The following TENM3 variants were observed in gnomAD, a reference collection of about 807,000 sequenced individuals.
TENM3 encodes teneurin transmembrane protein 3, also known as teneurin-3.
TENM3 carries 63 observed loss-of-function variants against 255.1 expected under a neutral mutation model. That is an observed-to-expected ratio of 0.25 (90% CI 0.20 to 0.30). The LOEUF (loss-of-function observed/expected upper bound fraction) is 0.30, where lower values mean the gene tolerates loss of function less well. Ranked by LOEUF, TENM3 falls within the 10% of genes least tolerant of loss-of-function variation. TENM3 has a pLI of 1.00. For synonymous variants in TENM3, 1,306 were observed against 1,322.3 expected (o/e 0.99, Z 0.27); for missense variants, 2,929 against 3,461.1 (o/e 0.85, Z 3.86).
chr4:182,762,443 T>TTGATGA (rs34951450), intron 22 of TENM3, among the ~76,000 whole-genome samples: 1 of 151,736 alleles, frequency 6.6e-6, no homozygotes, highest in Non-Finnish European at 1.5e-5. Context: ...TTTAAAACGA[T>TTGATGA]TGATAATAAA....
chr4:182,088,695 G>A, the TENM3 span, among the ~76,000 whole-genome samples: 7 of 152,112 alleles, frequency 4.6e-5, no homozygotes, highest in Admixed American at 1.3e-4. Context: ...TTCACTGGGC[G>A]TGGTGGCAAG....
chr4:182,071,229 C>T, the TENM3 span, among the ~76,000 whole-genome samples: 8 of 152,260 alleles, frequency 5.3e-5, no homozygotes, highest in East Asian at 1.4e-3. Flanking sequence ...CACATTGCTT[C>T]GTAAACTCAC....
In TENM3 at chr4:182,562,654, C is replaced by G. The variant is rs76567864; in HGVS notation, c.512-38270C>G. Among the ~76,000 whole-genome samples, 1,011 of 152,208 alleles carry G rather than the reference C, an allele frequency of 6.6e-3. 37 individuals are homozygous for G. In the East Asian group the frequency reaches 0.081, roughly 12 times the overall value. On this transcript the variant is annotated intron_variant, in intron 3 of 27. Coordinates refer to ENST00000511685, the MANE Select transcript of TENM3 (RefSeq NM_001080477.4). The stretch of plus-strand genomic sequence containing the variant: ...CTGACTGAACACCCTGCACAGCCAC[C>G]TTTACTCCTATCCTATGCTACTTTA...
At chr4:182,176,906 C>T (rs1271281090) in intron 1 of TENM3, among the ~76,000 whole-genome samples, 1 of 148,758 alleles carries the variant, frequency 6.7e-6, no homozygotes, top group Non-Finnish European at 1.5e-5. Flanking sequence ...AATTCCTGAC[C>T]TCAGGTGATC....
At chr4:182,313,882 C>T (rs1457050478) in intron 1 of TENM3, among the ~76,000 whole-genome samples, 3 of 152,224 alleles carry the variant, frequency 2.0e-5, no homozygotes, top group East Asian at 1.9e-4. Flanking sequence ...ATCCATTTTT[C>T]TAAATCTCCA....
chr4:181,810,427 A>G, the TENM3 span, among the ~76,000 whole-genome samples: 4 of 152,094 alleles, frequency 2.6e-5, no homozygotes, highest in Admixed American at 1.3e-4. Flanking sequence ...CTCTGTTTTA[A>G]AAAATCTAAA....
the TENM3 span, among the ~76,000 whole-genome samples, chr4:181,698,602 G>C: frequency 6.6e-6 from 1 of 152,212 alleles, no homozygotes; most frequent in African/African-American, 2.4e-5. Flanking sequence ...AGGTGGTATG[G>C]AATACAAAGA....
the TENM3 span, among the ~76,000 whole-genome samples, chr4:181,548,791 A>AT: frequency 2.0e-5 from 3 of 152,186 alleles, no homozygotes; most frequent in African/African-American, 4.8e-5. Flanking sequence ...AGCAAGTATG[A>AT]TTTTATTGTC....
At chr4:182,273,746 G>A (rs1453456121) in intron 1 of TENM3, among the ~76,000 whole-genome samples, 1 of 152,164 alleles carries the variant, frequency 6.6e-6, no homozygotes, top group Non-Finnish European at 1.5e-5. Flanking sequence ...TTCAACACAA[G>A]GCAATTTCCA....
intron 5 of TENM3, among the ~76,000 whole-genome samples, chr4:182,646,942 A>G (rs181040554): frequency 2.6e-5 from 4 of 152,292 alleles, no homozygotes; most frequent in Admixed American, 2.6e-4. Context: ...CAAAAATTTG[A>G]AAGATATCAG....
the TENM3 span, among the ~76,000 whole-genome samples, chr4:182,097,458 C>A: frequency 6.6e-6 from 1 of 152,156 alleles, no homozygotes; most frequent in Non-Finnish European, 1.5e-5. Flanking sequence ...AGCCTACCGA[C>A]CCCTTCTGAG....
the TENM3 span, among the ~76,000 whole-genome samples, chr4:181,791,810 CAG>C: frequency 6.6e-6 from 1 of 152,288 alleles, no homozygotes; most frequent in East Asian, 1.9e-4. Flanking sequence ...TCAAATCAGA[CAG>C]AGAAATGTCT....
the TENM3 span, among the ~76,000 whole-genome samples, chr4:181,848,567 G>A: frequency 6.6e-6 from 1 of 152,100 alleles, no homozygotes; most frequent in Non-Finnish European, 1.5e-5. Flanking sequence ...ATGGAAAGCT[G>A]AGTGCTTTTA....
the TENM3 span, among the ~76,000 whole-genome samples, chr4:181,564,130 T>C: frequency 9.9e-3 from 1,459 of 147,210 alleles, 34 homozygotes; most frequent in African/African-American, 0.035. Flanking sequence ...AACCTCTGCC[T>C]CCCAGATTCA....
chr4:182,693,270 C>G (rs1375439248), intron 12 of TENM3, among the ~76,000 whole-genome samples: 2 of 151,984 alleles, frequency 1.3e-5, no homozygotes, highest in East Asian at 3.8e-4. Context: ...TGGGCTTTGA[C>G]ATTTTAAATA....
At chr4:181,453,220 G>C in the TENM3 span, among the ~76,000 whole-genome samples, 1 of 152,142 alleles carries the variant, frequency 6.6e-6, no homozygotes, top group South Asian at 2.1e-4. Context: ...AACCAAGATA[G>C]AAAACAAAGG....
the TENM3 span, among the ~76,000 whole-genome samples, chr4:181,822,524 C>T: frequency 1.3e-5 from 2 of 152,150 alleles, no homozygotes; most frequent in Non-Finnish European, 2.9e-5. Flanking sequence ...TAGCCCTTTA[C>T]AAAAACTAAA....
the TENM3 span, among the ~76,000 whole-genome samples, chr4:181,492,836 A>G: frequency 2.0e-5 from 3 of 152,202 alleles, no homozygotes; most frequent in African/African-American, 7.2e-5. Context: ...ATTTTCATGT[A>G]TATCTATTTA....
chr4:182,380,351 G>C (rs1458748600), intron 3 of TENM3, among the ~76,000 whole-genome samples: 1 of 152,178 alleles, frequency 6.6e-6, no homozygotes, highest in Non-Finnish European at 1.5e-5. Context: ...TTCAGCTAGA[G>C]TAAAGTGAGA....
Sources: gnomAD v4.1 joint callset for allele counts (sites outside exome capture counted in the v4.1 genomes callset) on GRCh38, gnomAD v4.1.1 for gene constraint, MANE v1.5 for transcripts, NCBI Gene and HGNC (gene_info 2026-07-23, HGNC 2026-07-21) for gene names.